Variants in GPHN observed in about 807,000 individuals in gnomAD.
GPHN encodes gephyrin.
GPHN carries 17 observed loss-of-function variants against 95.5 expected under a neutral mutation model. That is an observed-to-expected ratio of 0.18 (90% CI 0.12 to 0.27). The LOEUF is 0.27. Ranked by LOEUF, GPHN falls within the 10% of genes least tolerant of loss-of-function variation. GPHN has a pLI of 1.00. For missense variants in GPHN, 660 were observed against 978.1 expected (o/e 0.67, Z 4.34); for synonymous variants, 320 against 322.5 (o/e 0.99, Z 0.08).
chr14:67,242,428 G>A, the GPHN span, among the ~76,000 whole-genome samples: 14 of 152,242 alleles, frequency 9.2e-5, no homozygotes, highest in African/African-American at 2.6e-4. Context: ...GCAGTGAAAG[G>A]TGTTAATATT....
At chr14:67,463,355 T>C in the GPHN span, among the ~76,000 whole-genome samples, 1 of 152,012 alleles carries the variant, frequency 6.6e-6, no homozygotes, top group African/African-American at 2.4e-5. Context: ...AGATGTTTGC[T>C]GGAGCTGGGC....
the GPHN span, chr14:67,302,342 TTAAAAA>T: frequency 1.6e-6 from 2 of 1,233,988 alleles, no homozygotes; most frequent in Non-Finnish European, 2.1e-6. Flanking sequence ...AAAATAGAAT[TTAAAAA>T]TAAATGCTTA....
the GPHN span, among the ~76,000 whole-genome samples, chr14:67,553,477 A>G: frequency 1.3e-5 from 2 of 152,168 alleles, no homozygotes; most frequent in Non-Finnish European, 2.9e-5. Flanking sequence ...CTATCCAGCA[A>G]TCATGACTTG....
intron 1 of GPHN, among the ~76,000 whole-genome samples, chr14:66,548,042 A>AT (rs543141212): frequency 0.013 from 1,877 of 147,692 alleles, 20 homozygotes; most frequent in Non-Finnish European, 0.018. Context: ...TGTTGGTATC[A>AT]TTTTTTTTTT....
intron 11 of GPHN, 53 bp downstream of exon 11, chr14:67,058,839 A>G (rs2075708379): frequency 6.8e-7 from 1 of 1,461,990 alleles, no homozygotes; most frequent in African/African-American, 1.4e-5. Context: ...TTTCCAAATA[A>G]GATTCATGTA....
At chr14:67,440,403 C>T in the GPHN span, among the ~76,000 whole-genome samples, 1 of 151,930 alleles carries the variant, frequency 6.6e-6, no homozygotes, top group Admixed American at 6.6e-5. Context: ...TACTGTCTCC[C>T]CCACCGAAAA....
At chr14:66,584,171 G>T (rs1486727978) in intron 1 of GPHN, among the ~76,000 whole-genome samples, 3 of 152,090 alleles carry the variant, frequency 2.0e-5, no homozygotes, top group African/African-American at 2.4e-5. Context: ...GTTCACTCAT[G>T]ATTTGGCTCT....
intron 1 of GPHN, among the ~76,000 whole-genome samples, chr14:66,611,487 G>T (rs2062781868): frequency 6.6e-6 from 1 of 152,070 alleles, no homozygotes; most frequent in Non-Finnish European, 1.5e-5. Flanking sequence ...CCTTGCTTTT[G>T]CTTTTATAGT....
chr14:67,120,556 A>T (rs994196193), intron 16 of GPHN, among the ~76,000 whole-genome samples: 1 of 152,206 alleles, frequency 6.6e-6, no homozygotes. Flanking sequence ...GAGGAACATA[A>T]ATAGCAAAGA....
chr14:67,602,013 CTTT>C, the GPHN span, among the ~76,000 whole-genome samples: 1 of 152,118 alleles, frequency 6.6e-6, no homozygotes, highest in Non-Finnish European at 1.5e-5. Context: ...TCAAGCACTT[CTTT>C]ATTTTTCTAG....
At chr14:67,466,505 C>T in the GPHN span, among the ~76,000 whole-genome samples, 4 of 152,300 alleles carry the variant, frequency 2.6e-5, no homozygotes, top group South Asian at 8.3e-4. Context: ...TAAATAGATT[C>T]CTAGCTTCAA....
intron 4 of GPHN, among the ~76,000 whole-genome samples, chr14:66,844,969 A>G (rs927550802): frequency 5.9e-5 from 9 of 152,188 alleles, no homozygotes; most frequent in African/African-American, 2.2e-4. Flanking sequence ...AAGTGGAATC[A>G]TACCAGTTTT....
the GPHN span, chr14:67,562,829 G>C: frequency 2.5e-6 from 4 of 1,613,770 alleles, no homozygotes; most frequent in South Asian, 4.4e-5. Flanking sequence ...CCTTGGAGCT[G>C]AGCTGGAGGA....
intron 2 of GPHN, among the ~76,000 whole-genome samples, chr14:66,737,521 G>GT (rs1309754929): frequency 6.6e-6 from 1 of 151,934 alleles, no homozygotes; most frequent in Non-Finnish European, 1.5e-5. Flanking sequence ...AGTTTTGGTT[G>GT]TTTTTCTTAG....
At position 66,912,437 on chromosome 14, in the gene GPHN, C is replaced by T. The variant is rs372239100; in HGVS notation, c.390-3566C>T. On this transcript the variant is annotated intron_variant, in intron 5 of 22. Coordinates refer to ENST00000478722, the MANE Select transcript of GPHN (RefSeq NM_020806.5). ...AGGATTTTTGCTTAATATACATTTACATTTATTTAAAATATGCTTTATATT... is the reference window on the plus strand; with the variant it reads ...AGGATTTTTGCTTAATATACATTTATATTTATTTAAAATATGCTTTATATT... 8.5e-5 allele frequency among the ~76,000 whole-genome samples: 13 copies of T among 152,196 alleles called. No individual in the cohort carries two copies. In the East Asian group the frequency reaches 9.7e-4, roughly 11 times the overall value.
At chr14:66,936,134 TTTG>T (rs2153569735) in intron 8 of GPHN, among the ~76,000 whole-genome samples, 1 of 152,234 alleles carries the variant, frequency 6.6e-6, no homozygotes, top group Admixed American at 6.5e-5. Flanking sequence ...ATCCCAGCAC[TTTG>T]GAAGGCTGAG....
the GPHN span, chr14:67,574,095 AGAT>A: frequency 1.4e-6 from 1 of 721,638 alleles, no homozygotes; most frequent in East Asian, 2.7e-5. The surrounding 1 kb of genome is among the most constrained non-coding windows in gnomAD (Gnocchi z 4.2). Flanking sequence ...AGGGAGGAAA[AGAT>A]GAGGAGGAAA....
intron 4 of GPHN, among the ~76,000 whole-genome samples, chr14:66,849,931 T>G (rs1053224791): frequency 3.9e-5 from 6 of 152,122 alleles, no homozygotes; most frequent in African/African-American, 1.4e-4. Context: ...CTCATGCTCT[T>G]AACAACACAG....
chr14:67,359,839 G>C, the GPHN span: 2 of 900,446 alleles, frequency 2.2e-6, no homozygotes, highest in Non-Finnish European at 3.4e-6. Flanking sequence ...AGAGGCAGCA[G>C]GGACACCCAT....
Sources: gnomAD v4.1 joint callset for allele counts (sites outside exome capture counted in the v4.1 genomes callset) on GRCh38, gnomAD v4.1.1 for gene constraint, Gnocchi (gnomAD v3.1) non-coding constraint, MANE v1.5 for transcripts, NCBI Gene and HGNC (gene_info 2026-07-23, HGNC 2026-07-21) for gene names.